FGF1: variants seen among roughly 807,000 people sequenced by gnomAD.
FGF1 encodes the protein fibroblast growth factor 1.
FGF1 carries 9 observed loss-of-function variants against 13.4 expected under a neutral mutation model. That is an observed-to-expected ratio of 0.67 (90% confidence interval 0.40 to 1.17). FGF1 has a LOEUF of 1.17. Among genes scored for constraint, FGF1 ranks in the 50% most tolerant of loss-of-function variants. The pLI, the probability that FGF1 is intolerant of heterozygous loss-of-function variation, is 0.01. For missense variants in FGF1, 156 were observed against 192.7 expected, an observed-to-expected ratio of 0.81 and a Z score of 1.13; for synonymous variants, 93 against 79.0, an observed-to-expected ratio of 1.18 and a Z score of -0.94.
chr5:142,637,092 C>T (rs1259550350), intron 1 of FGF1, among the ~76,000 whole-genome samples: 1 of 151,936 alleles, frequency 6.6e-6, no homozygotes, highest in Non-Finnish European at 1.5e-5. Context: ...GTCCACTGCT[C>T]ACAGCTTTCC....
At chr5:142,682,707 A>G (rs1773943453) in intron 1 of FGF1, among the ~76,000 whole-genome samples, 1 of 152,260 alleles carries the variant, frequency 6.6e-6, no homozygotes, top group Non-Finnish European at 1.5e-5. Flanking sequence ...AGTTAAAGAC[A>G]GAGAAATGTT....
intron 1 of FGF1, among the ~76,000 whole-genome samples, chr5:142,675,209 T>C (rs1307045120): frequency 6.6e-6 from 1 of 152,148 alleles, no homozygotes; most frequent in Admixed American, 6.5e-5. Flanking sequence ...GGGAGGGTCA[T>C]AGTGGGACAG....
chr5:142,666,111 C>A (rs11742582), intron 1 of FGF1, among the ~76,000 whole-genome samples: 104,225 of 104,230 alleles, frequency 1, 52,110 homozygotes, highest in Middle Eastern at 1. Flanking sequence ...TAGTATGGCA[C>A]TTGCTGAAAA....
intron 1 of FGF1, among the ~76,000 whole-genome samples, chr5:142,625,313 GACACAC>G (rs59813387): frequency 0.066 from 9,812 of 148,184 alleles, 599 homozygotes; most frequent in East Asian, 0.24. Context: ...ACTACAAGCG[GACACAC>G]ACACACACAC....
chr5:142,647,651 T>C (rs771870668), intron 1 of FGF1, among the ~76,000 whole-genome samples: 1 of 152,242 alleles, frequency 6.6e-6, no homozygotes, highest in Non-Finnish European at 1.5e-5. Flanking sequence ...ATACCTAGTC[T>C]GAAGGTAGTT....
chr5:142,608,986 C>G (rs1373297663), intron 2 of FGF1, among the ~76,000 whole-genome samples: 1 of 151,880 alleles, frequency 6.6e-6, no homozygotes, highest in African/African-American at 2.4e-5. Context: ...TGGGGTCCAG[C>G]TCTCCCCATC....
chr5:142,641,457 AT>A (rs1175679457), intron 1 of FGF1, among the ~76,000 whole-genome samples: 3 of 151,900 alleles, frequency 2.0e-5, no homozygotes, highest in African/African-American at 7.3e-5. Context: ...GCTAGAATGT[AT>A]TTTTTATTTA....
chr5:142,645,154 T>A (rs1250087803), intron 1 of FGF1, among the ~76,000 whole-genome samples: 1 of 152,098 alleles, frequency 6.6e-6, no homozygotes, highest in Non-Finnish European at 1.5e-5. Context: ...GAAAGTGGCA[T>A]TACTCATGGT....
In FGF1 at chr5:142,611,690, G is replaced by C. The variant is rs191255280; in HGVS notation, c.169+2269C>G. Among the ~76,000 whole-genome samples the C allele has an allele frequency of 1.1e-4, 16 of 152,212 alleles. No homozygotes were observed. In the East Asian group the frequency reaches 3.1e-3, roughly 29 times the overall value. ...TCTGGCCACCCACCCCACTTACTCTGATCTCTGTCCTCTTGGTCCTTGTTC... is the reference window on the plus strand; with the variant it reads ...TCTGGCCACCCACCCCACTTACTCTCATCTCTGTCCTCTTGGTCCTTGTTC... On this transcript the variant is annotated intron_variant, in intron 2 of 3. Transcript: ENST00000337706.
intron 2 of FGF1, chr5:142,601,101 C>T (rs775785922): frequency 2.0e-5 from 11 of 558,000 alleles, no homozygotes; most frequent in East Asian, 4.6e-5. Flanking sequence ...CACGGTGCCT[C>T]GCTCCTTTCT....
chr5:142,666,141 C>A (rs77788243), intron 1 of FGF1, among the ~76,000 whole-genome samples: 104,205 of 104,206 alleles, frequency 1, 52,102 homozygotes, highest in Middle Eastern at 1. Context: ...CTTGATTGAA[C>A]TTTACCCAGT....
upstream of FGF1, among the ~76,000 whole-genome samples, chr5:142,688,779 C>T (rs1751672429): frequency 2.0e-5 from 3 of 152,224 alleles, no homozygotes; most frequent in East Asian, 3.9e-4. Flanking sequence ...AATGTTGTGG[C>T]TCTTGCCAGA....
chr5:142,672,641 A>T (rs565670519), intron 1 of FGF1, among the ~76,000 whole-genome samples: 1 of 151,634 alleles, frequency 6.6e-6, no homozygotes, highest in African/African-American at 2.4e-5. Context: ...AGTAGCTGGG[A>T]TTACAGGCAC....
intron 1 of FGF1, among the ~76,000 whole-genome samples, chr5:142,620,209 A>G (rs1005489998): frequency 1.3e-5 from 2 of 152,148 alleles, no homozygotes; most frequent in Non-Finnish European, 2.9e-5. Flanking sequence ...CGAGGTAAGG[A>G]GATCGAGACC....
chr5:142,625,193 G>A (rs565985929), intron 1 of FGF1, among the ~76,000 whole-genome samples: 8 of 152,226 alleles, frequency 5.3e-5, no homozygotes, highest in African/African-American at 1.9e-4. Context: ...GGACATAGAT[G>A]CTTGCATCTA....
intron 2 of FGF1, among the ~76,000 whole-genome samples, chr5:142,602,647 G>A (rs1756827290): frequency 6.6e-6 from 1 of 152,004 alleles, no homozygotes; most frequent in African/African-American, 2.4e-5. Flanking sequence ...GAGAGCTTGT[G>A]TGCGTATATT....
chr5:142,638,313 G>A (rs945272302), intron 1 of FGF1, among the ~76,000 whole-genome samples: 1 of 151,920 alleles, frequency 6.6e-6, no homozygotes, highest in South Asian at 2.1e-4. Context: ...TGCCAACAAT[G>A]CCACCACCTC....
chr5:142,596,978 T>C (rs921834212), intron 3 of FGF1, among the ~76,000 whole-genome samples: 1 of 152,170 alleles, frequency 6.6e-6, no homozygotes, highest in Non-Finnish European at 1.5e-5. Context: ...GTTTTAAAAA[T>C]GAACAACAAA....
intron 2 of FGF1, among the ~76,000 whole-genome samples, chr5:142,610,599 T>G (rs1002432556): frequency 1.3e-5 from 2 of 152,188 alleles, no homozygotes; most frequent in Admixed American, 1.3e-4. Flanking sequence ...TCTCACAAAC[T>G]GTGCCCATCA....
Sources: gnomAD v4.1 joint callset for allele counts (sites outside exome capture counted in the v4.1 genomes callset) on GRCh38, gnomAD v4.1.1 for gene constraint, MANE v1.5 for transcripts, NCBI Gene and HGNC (gene_info 2026-07-23, HGNC 2026-07-21) for gene names.